Variants in CSMD3 observed in about 807,000 individuals in gnomAD.
The protein encoded by CSMD3 is CUB and Sushi multiple domains 3.
A neutral mutation model predicts 435.2 loss-of-function variants in CSMD3; 177 were observed. The observed-to-expected ratio is 0.41, with a 90% confidence interval of 0.36 to 0.46. The LOEUF (loss-of-function observed/expected upper bound fraction) is 0.46. CSMD3 is among the 20% of genes least tolerant of loss of function. The pLI is 0.34. For synonymous variants in CSMD3, 1,656 were observed against 1,520.5 expected (o/e 1.09, Z -2.07); for missense variants, 4,265 against 4,504.6 (o/e 0.95, Z 1.52).
chr8:112,598,683 G>A (rs866157092), intron 22 of CSMD3, among the ~76,000 whole-genome samples: 1,810 of 149,364 alleles, frequency 0.012, 20 homozygotes, highest in South Asian at 0.027. Flanking sequence ...ATAGATCAAT[G>A]GAACAGAACA....
intron 6 of CSMD3, among the ~76,000 whole-genome samples, chr8:113,000,849 C>T (rs577700607): frequency 7.9e-5 from 12 of 152,018 alleles, no homozygotes; most frequent in Non-Finnish European, 1.5e-4. Flanking sequence ...GATAATTTTC[C>T]TTCTTAACAC....
chr8:112,443,210 T>C (rs1334903360), intron 32 of CSMD3, among the ~76,000 whole-genome samples: 2 of 152,144 alleles, frequency 1.3e-5, no homozygotes, highest in Non-Finnish European at 2.9e-5. Context: ...CCAAGAACTA[T>C]AGTGACACAC....
At chr8:112,573,731 G>T in intron 23 of CSMD3, 74 bp from the exon 24 acceptor site, 2 of 1,193,924 alleles carry the variant, frequency 1.7e-6, no homozygotes, top group Non-Finnish European at 2.4e-6. Flanking sequence ...TTGTATCTAT[G>T]AAAAAGAGAA....
At chr8:112,612,424 A>G (rs1250018802) in intron 22 of CSMD3, among the ~76,000 whole-genome samples, 1 of 152,050 alleles carries the variant, frequency 6.6e-6, no homozygotes, top group African/African-American at 2.4e-5. Flanking sequence ...TTGTATCCAA[A>G]TGGTGTGGGA....
intron 1 of CSMD3, among the ~76,000 whole-genome samples, chr8:113,384,876 C>T (rs1188172932): frequency 6.6e-6 from 1 of 152,084 alleles, no homozygotes; most frequent in Non-Finnish European, 1.5e-5. Context: ...TTTGCAGAGT[C>T]CCAGCCTGGG....
At chr8:112,291,264 A>C (rs2130672844) in intron 56 of CSMD3, among the ~76,000 whole-genome samples, 1 of 152,088 alleles carries the variant, frequency 6.6e-6, no homozygotes, top group African/African-American at 2.4e-5. Flanking sequence ...TACTTTTCAT[A>C]TTTTATATGC....
intron 10 of CSMD3, among the ~76,000 whole-genome samples, chr8:112,860,308 T>C (rs957771374): frequency 1.3e-5 from 2 of 151,894 alleles, no homozygotes; most frequent in East Asian, 3.9e-4. Flanking sequence ...TTGATGGTTA[T>C]ATCTTGTGTT....
chr8:113,053,799 T>C (rs1218764346), intron 5 of CSMD3, among the ~76,000 whole-genome samples: 1 of 152,172 alleles, frequency 6.6e-6, no homozygotes, highest in Non-Finnish European at 1.5e-5. Flanking sequence ...TATTTATGTA[T>C]ATCAGCTTAA....
intron 9 of CSMD3, among the ~76,000 whole-genome samples, chr8:112,936,409 A>T (rs2083281608): frequency 6.6e-6 from 1 of 152,116 alleles, no homozygotes. Context: ...TTTCTTTCAC[A>T]AAATTTACAT....
At chr8:113,368,801 C>A (rs1262247136) in intron 1 of CSMD3, among the ~76,000 whole-genome samples, 3 of 152,062 alleles carry the variant, frequency 2.0e-5, no homozygotes, top group African/African-American at 7.2e-5. Context: ...CACACCATAT[C>A]TAAATTCATA....
At chr8:113,024,754 A>G (rs1407800119) in intron 5 of CSMD3, among the ~76,000 whole-genome samples, 1 of 152,028 alleles carries the variant, frequency 6.6e-6, no homozygotes, top group Non-Finnish European at 1.5e-5. Context: ...CTTCTTTTGA[A>G]GGTTATCTGT....
intron 30 of CSMD3, among the ~76,000 whole-genome samples, chr8:112,494,881 G>T (rs1013652998): frequency 6.6e-6 from 1 of 151,872 alleles, no homozygotes; most frequent in Non-Finnish European, 1.5e-5. Flanking sequence ...GTGATTCCTG[G>T]GTTTCAAACC....
chr8:113,321,807 T>C (rs962150102), intron 1 of CSMD3, among the ~76,000 whole-genome samples: 19 of 152,260 alleles, frequency 1.2e-4, no homozygotes, highest in Non-Finnish European at 2.8e-4. Flanking sequence ...TTGTAAAGAT[T>C]TGGGGTGAAT....
intron 13 of CSMD3, among the ~76,000 whole-genome samples, chr8:112,752,272 G>A (rs566300584): frequency 6.6e-6 from 1 of 151,860 alleles, no homozygotes; most frequent in African/African-American, 2.4e-5. Flanking sequence ...TACTAACTTC[G>A]GTATCACAGT....
chr8:112,947,921 G>C (rs1304596692), intron 8 of CSMD3, 44 bp from the exon 9 acceptor site: 11 of 812,466 alleles, frequency 1.4e-5, no homozygotes, highest in Non-Finnish European at 2.2e-5. Flanking sequence ...AAATATATGT[G>C]ATTAGAAAAT....
At chr8:113,263,624 C>G (rs1353850174) in intron 3 of CSMD3, among the ~76,000 whole-genome samples, 1 of 151,738 alleles carries the variant, frequency 6.6e-6, no homozygotes, top group Non-Finnish European at 1.5e-5. Context: ...CTTCTTTTTT[C>G]TGGTGTTCTA....
chr8:112,791,548 T>C (rs978909102), intron 13 of CSMD3, among the ~76,000 whole-genome samples: 3 of 152,168 alleles, frequency 2.0e-5, no homozygotes, highest in Non-Finnish European at 2.9e-5. Context: ...TCATTCATGT[T>C]GCATGTGTTA....
intron 32 of CSMD3, among the ~76,000 whole-genome samples, chr8:112,454,384 C>T (rs371198888): frequency 1.8e-4 from 28 of 152,228 alleles, no homozygotes; most frequent in African/African-American, 6.7e-4. Flanking sequence ...ATCTAACACT[C>T]ATAATCTATA....
chr8:112,436,213 T>C (rs1161098607), intron 32 of CSMD3, among the ~76,000 whole-genome samples: 2 of 151,906 alleles, frequency 1.3e-5, no homozygotes, highest in African/African-American at 4.8e-5. Flanking sequence ...GCTTATCCTA[T>C]CTTGAGAAAC....
Sources: gnomAD v4.1 joint callset for allele counts (sites outside exome capture counted in the v4.1 genomes callset) on GRCh38, gnomAD v4.1.1 for gene constraint, MANE v1.5 for transcripts, NCBI Gene and HGNC (gene_info 2026-07-23, HGNC 2026-07-21) for gene names.